Variants in CLEC18B observed in about 807,000 individuals in gnomAD.
CLEC18B encodes the protein mannose receptor-like 2.
In CLEC18B, 5 loss-of-function variants were observed where a neutral mutation model predicts 60.4. The observed-to-expected ratio is 0.08, with a 90% CI of 0.04 to 0.17. The LOEUF (loss-of-function observed/expected upper bound fraction) is 0.17. CLEC18B is among the 10% of genes least tolerant of loss of function. The pLI is 1.00. For missense variants in CLEC18B, 26 were observed against 572.8 expected (o/e 0.05, Z 9.74); for synonymous variants, 16 against 221.2 (o/e 0.07, Z 8.23).
chr16:74,414,246 G>A (rs1403307444), intron 3 of CLEC18B, among the ~76,000 whole-genome samples: 1 of 152,294 alleles, frequency 6.6e-6, no homozygotes, highest in African/African-American at 2.4e-5. Flanking sequence ...TTGTTGATGG[G>A]TGGAGGGGAG....
intron 3 of CLEC18B, among the ~76,000 whole-genome samples, chr16:74,414,378 T>C (rs1272498579): frequency 6.6e-6 from 1 of 152,186 alleles, no homozygotes; most frequent in African/African-American, 2.4e-5. Context: ...CAAAGAGAGG[T>C]GTCTCTTTCC....
intron 2 of CLEC18B, among the ~76,000 whole-genome samples, chr16:74,419,972 C>A (rs535340877): frequency 7.9e-3 from 1,196 of 151,556 alleles, no homozygotes; most frequent in African/African-American, 0.028. Flanking sequence ...AACTCTATAC[C>A]CCCGACCCCT....
At chr16:74,416,855 T>C (rs995552260) in intron 3 of CLEC18B, among the ~76,000 whole-genome samples, 3 of 149,902 alleles carry the variant, frequency 2.0e-5, no homozygotes, top group Admixed American at 6.7e-5. Flanking sequence ...GTGATGCTCC[T>C]GAACTTTGGG....
chr16:74,421,612 C>T, upstream of CLEC18B: 1 of 497,570 alleles, frequency 2.0e-6, no homozygotes, highest in Non-Finnish European at 3.4e-6. Flanking sequence ...GGGGAGCCCC[C>T]AGAGACCCCG....
intron 3 of CLEC18B, among the ~76,000 whole-genome samples, chr16:74,413,961 C>T (rs1198770169): frequency 1.4e-3 from 206 of 151,494 alleles, no homozygotes; most frequent in African/African-American, 4.7e-3. Flanking sequence ...CAACCTCTAC[C>T]TCCTGGGTTC....
At chr16:74,421,484 T>G, upstream of CLEC18B, 1 of 557,536 alleles carries the variant, frequency 1.8e-6, no homozygotes, top group Non-Finnish European at 3.2e-6. Flanking sequence ...AAGAGACAAC[T>G]CCCGGGGATG....
chr16:74,414,429 A>G (rs2013334329), intron 3 of CLEC18B, among the ~76,000 whole-genome samples: 1 of 151,694 alleles, frequency 6.6e-6, no homozygotes, highest in Non-Finnish European at 1.5e-5. Context: ...TGGTTTGGCC[A>G]CCAGAATGCC....
intron 3 of CLEC18B, among the ~76,000 whole-genome samples, chr16:74,415,971 G>T (rs1164752163): frequency 6.6e-6 from 1 of 151,582 alleles, no homozygotes; most frequent in African/African-American, 2.4e-5. Flanking sequence ...CAAAACTTAA[G>T]GAGCCAAGGC....
At chr16:74,413,381 C>T (rs1439348052) in intron 4 of CLEC18B, among the ~76,000 whole-genome samples, 198 bp downstream of exon 4, 3 of 152,276 alleles carry the variant, frequency 2.0e-5, no homozygotes, top group African/African-American at 4.8e-5. Flanking sequence ...CAGGAAGGGA[C>T]ATCCGCAGAG....
chr16:74,414,277 C>T (rs560695432), intron 3 of CLEC18B, among the ~76,000 whole-genome samples: 33 of 152,378 alleles, frequency 2.2e-4, no homozygotes, highest in Admixed American at 7.2e-4. Context: ...AAGACTGGAA[C>T]GTCAAGGGCC....
chr16:74,416,967 T>A (rs1487110612), intron 3 of CLEC18B, among the ~76,000 whole-genome samples: 1 of 152,116 alleles, frequency 6.6e-6, no homozygotes, highest in African/African-American at 2.4e-5. Context: ...GGGGCCGTTT[T>A]AAATTTATGT....
chr16:74,422,719 G>A (rs1344566836), upstream of CLEC18B, among the ~76,000 whole-genome samples: 2 of 151,846 alleles, frequency 1.3e-5, no homozygotes, highest in South Asian at 2.1e-4. Flanking sequence ...ACTCAGGTTG[G>A]AGTGTTATAA....
At chr16:74,422,196 CA>C, upstream of CLEC18B, 1 of 152,220 alleles carries the variant, frequency 6.6e-6, no homozygotes, top group Non-Finnish European at 1.5e-5. Flanking sequence ...GGCGTGATCC[CA>C]CCAGAGTGAG....
chr16:74,412,861 A>G lies in CLEC18B; in HGVS notation c.696T>C (p.Cys232=), dbSNP rs950565630. ...GTCCATGGTTCTGGCAGCTCATGCG[A>G]CAAGGATTCCTGGGGACCTCTGGTC... The part of the protein sequence containing the change: ...GGLCEVPRNP[C]RMSCQNHGRL... The change falls in exon 6 of 12, where the codon TGT becomes TGC. Residue 232 remains cysteine (C), a synonymous_variant. Transcript: ENST00000682950. The G allele has an allele frequency of 6.2e-7, 1 of 1,611,988 alleles. No homozygotes were observed. The highest frequency in any genetic ancestry group is 8.5e-7 in the Non-Finnish European group (1 of 1,179,874).
upstream of CLEC18B, chr16:74,421,866 C>T (rs1357960818): frequency 7.0e-6 from 1 of 142,508 alleles, no homozygotes. Context: ...AAGAGGTAAC[C>T]GCACACCAGA....
At chr16:74,422,938 G>A (rs760291807), upstream of CLEC18B, among the ~76,000 whole-genome samples, 438 of 148,016 alleles carry the variant, frequency 3.0e-3, no homozygotes, top group Non-Finnish European at 5.1e-3. Context: ...AAGTGCTGGG[G>A]TTGCAGGCAT....
chr16:74,408,943 TG>T lies in CLEC18B; in HGVS notation c.*62del. 6.2e-7 allele frequency: 1 copy of T among 1,607,966 alleles called. No homozygotes were observed. The highest frequency in any genetic ancestry group is 8.5e-7 in the Non-Finnish European group (1 of 1,177,808). On this transcript the variant is annotated 3_prime_UTR_variant, in exon 12 of 12. Coordinates refer to ENST00000682950, the MANE Select transcript of CLEC18B (RefSeq NM_001385193.1). ...TAACCTGGCCCTTGTTCCAGACAGG[TG>T]GGCAGACAGGTAAGCAGAGCCGGTG... is the stretch of plus-strand genomic sequence containing the variant.
intron 2 of CLEC18B, among the ~76,000 whole-genome samples, chr16:74,419,254 G>C (rs2013564901): frequency 1.3e-5 from 2 of 152,088 alleles, no homozygotes; most frequent in African/African-American, 4.8e-5. Flanking sequence ...AGGGAGGGGG[G>C]CCCCTCGGGG....
chr16:74,421,844 T>C (rs2013700907), upstream of CLEC18B: 1 of 144,692 alleles, frequency 6.9e-6, no homozygotes, highest in South Asian at 2.4e-4. Context: ...CAGCCATGAA[T>C]TAAACATAGG....
Sources: gnomAD v4.1 joint callset for allele counts (sites outside exome capture counted in the v4.1 genomes callset) on GRCh38, gnomAD v4.1.1 for gene constraint, MANE v1.5 for transcripts, NCBI Gene and HGNC (gene_info 2026-07-23, HGNC 2026-07-21) for gene names.